KLHL18: variants seen among roughly 807,000 people sequenced by gnomAD.
The protein encoded by KLHL18 is kelch like family member 18, also known as kelch-like protein 18.
A neutral mutation model predicts 58.5 loss-of-function variants in KLHL18; 38 were observed. The observed-to-expected ratio is 0.65, with a 90% confidence interval of 0.50 to 0.85. The LOEUF is 0.85. KLHL18 is among the 40% of genes least tolerant of loss of function. The pLI is 0.00. For missense variants in KLHL18, 624 were observed against 778.4 expected, an observed-to-expected ratio of 0.80 and a Z score of 2.36; for synonymous variants, 303 against 301.9, an observed-to-expected ratio of 1.00 and a Z score of -0.04.
Position 47,330,109 on chromosome 3 carries a change from T to G in KLHL18, c.560T>G (p.Leu187Arg). The G allele has an allele frequency of 6.2e-7, 1 of 1,614,170 alleles. No individual in the cohort carries two copies. Among genetic ancestry groups the G allele is most frequent in the Non-Finnish European group, 8.5e-7 (1 of 1,180,030 alleles). ...CTGCCCTTGGAAGACGTGCTTGAGCTGGTGTCTCGGGATGAGCTGAATGTC... is the reference window on the plus strand; with the variant it reads ...CTGCCCTTGGAAGACGTGCTTGAGCGGGTGTCTCGGGATGAGCTGAATGTC... ...LALPLEDVLE[L>R]VSRDELNVKS... Residue 187 changes from leucine to arginine, a missense_variant, in exon 4 of 10, where the codon CTG becomes CGG. Leu to Arg is a moderately radical substitution (Grantham distance 102). Coordinates refer to ENST00000232766, the MANE Select transcript of KLHL18 (RefSeq NM_025010.5).
At chr3:47,286,030 A>T (rs1030995136) in intron 1 of KLHL18, among the ~76,000 whole-genome samples, 2 of 147,804 alleles carry the variant, frequency 1.4e-5, no homozygotes, top group Non-Finnish European at 3.0e-5. Flanking sequence ...ACAGAGTAAG[A>T]CCCTGTCTCA....
intron 1 of KLHL18, among the ~76,000 whole-genome samples, chr3:47,294,049 C>T (rs1030433689): frequency 2.0e-5 from 3 of 152,218 alleles, no homozygotes; most frequent in African/African-American, 4.8e-5. Flanking sequence ...AGATCCTCTT[C>T]ATCTTTTACC....
chr3:47,285,055 C>T (rs1483842406), intron 1 of KLHL18, among the ~76,000 whole-genome samples: 12 of 151,972 alleles, frequency 7.9e-5, no homozygotes, highest in African/African-American at 1.9e-4. Flanking sequence ...CCTCGTGATC[C>T]GCCCACCTCA....
intron 4 of KLHL18, among the ~76,000 whole-genome samples, chr3:47,332,658 T>G (rs914374607): frequency 3.9e-5 from 6 of 151,982 alleles, no homozygotes; most frequent in African/African-American, 7.2e-5. Flanking sequence ...TGTAGGGCTT[T>G]AGAGGGAGAG....
chr3:47,338,998 C>T (rs562353321), intron 7 of KLHL18, among the ~76,000 whole-genome samples: 31 of 152,216 alleles, frequency 2.0e-4, no homozygotes, highest in African/African-American at 7.2e-4. Flanking sequence ...TACATGATTA[C>T]ACCACCAGAC....
chr3:47,321,332 T>G (rs1424453929), intron 2 of KLHL18, among the ~76,000 whole-genome samples: 5 of 150,724 alleles, frequency 3.3e-5, no homozygotes, highest in Non-Finnish European at 7.4e-5. Flanking sequence ...CGTTTTTTTT[T>G]TTTGTTTTGT....
chr3:47,286,924 T>C (rs557044387), intron 1 of KLHL18, among the ~76,000 whole-genome samples: 15 of 152,320 alleles, frequency 9.8e-5, no homozygotes, highest in African/African-American at 3.6e-4. Context: ...AGGCTCTTGT[T>C]CATCCTGTCT....
At position 47,336,600 on chromosome 3, in the gene KLHL18, A is replaced by G. The variant is rs781362822; in HGVS notation, c.964A>G (p.Met322Val). The G allele has an allele frequency of 2.5e-6, 4 of 1,614,260 alleles. No homozygotes were observed. Among genetic ancestry groups the G allele is most frequent in the South Asian group, 1.1e-5 (1 of 91,092 alleles). ...CAATTGCTGGGAGAGATGCCGTCCC[A>G]TGACAACAGCCCGCAGCCGCGTTGG... is the stretch of plus-strand genomic sequence containing the variant. ...IANCWERCRPMTTARSRVGVA... is the reference protein window; with the variant it reads ...IANCWERCRPVTTARSRVGVA... The change falls in exon 7 of 10, where the codon ATG becomes GTG. Residue 322 changes from methionine (M) to valine (V), a missense_variant. Physicochemically the swap from Met to Val is conservative, Grantham distance 21. Transcript: ENST00000232766.
intron 1 of KLHL18, among the ~76,000 whole-genome samples, chr3:47,318,829 C>T (rs1703517038): frequency 6.6e-6 from 1 of 152,204 alleles, no homozygotes; most frequent in Non-Finnish European, 1.5e-5. Context: ...ATGATTCGAT[C>T]TTCCAACCTC....
Position 47,334,610 on chromosome 3 carries a change from C to T in KLHL18, c.762-73C>T. On this transcript the variant is annotated intron_variant, in intron 5 of 9. Coordinates refer to ENST00000232766, the MANE Select transcript of KLHL18 (RefSeq NM_025010.5). This position sits in a 1 kb window ranked among gnomAD's most constrained non-coding sequence, Gnocchi z 4.7. Reference sequence around the variant, plus strand: ...TCCCCTGCAGTTGGCAGTGGAGAGCCAGGCTCAGAGATGCAAACGAGGACT... The same window carrying T: ...TCCCCTGCAGTTGGCAGTGGAGAGCTAGGCTCAGAGATGCAAACGAGGACT... 6.4e-7 allele frequency: 1 copy of T among 1,563,308 alleles called. No homozygotes were observed. Among genetic ancestry groups the T allele is most frequent in the Non-Finnish European group, 8.8e-7 (1 of 1,141,856 alleles).
intron 2 of KLHL18, among the ~76,000 whole-genome samples, chr3:47,321,347 T>C (rs946228416): frequency 4.7e-5 from 7 of 148,928 alleles, no homozygotes; most frequent in African/African-American, 1.7e-4. Context: ...TTTTGTTTTG[T>C]TTTGTTTTTT....
rs550244352 is a variant in KLHL18 at position 47,343,790 on chromosome 3, G to A, written c.1574G>A (p.Arg525His). Reference sequence around the variant, plus strand: ...GTCTCCCTGGTGGCCAGCTGTGGGCGCCTCTACGCTGTTGGGGGCTACGAC... The same window carrying A: ...GTCTCCCTGGTGGCCAGCTGTGGGCACCTCTACGCTGTTGGGGGCTACGAC... ...SRVSLVASCG[R>H]LYAVGGYDGQ... Residue 525 changes from arginine (R) to histidine (H), a missense_variant, in exon 10 of 10, where the codon CGC becomes CAC. Transcript: ENST00000232766. 1.1e-5 allele frequency: 17 copies of A among 1,614,202 alleles called. No individual in the cohort carries two copies. The highest frequency in any genetic ancestry group is 8.8e-5 in the South Asian group (8 of 91,088).
intron 1 of KLHL18, among the ~76,000 whole-genome samples, chr3:47,300,897 C>T (rs1188439726): frequency 6.6e-6 from 1 of 152,020 alleles, no homozygotes; most frequent in Non-Finnish European, 1.5e-5. Context: ...CCTTGGCTTC[C>T]CAAAGTGCTG....
At chr3:47,312,141 G>T (rs1273767813) in intron 1 of KLHL18, among the ~76,000 whole-genome samples, 1 of 152,240 alleles carries the variant, frequency 6.6e-6, no homozygotes, top group Non-Finnish European at 1.5e-5. Context: ...TAATTCCACA[G>T]TGGTAGTATG....
intron 1 of KLHL18, among the ~76,000 whole-genome samples, chr3:47,284,493 C>G (rs1488612914): frequency 6.6e-6 from 1 of 151,530 alleles, no homozygotes; most frequent in African/African-American, 2.4e-5. Flanking sequence ...GCACCACTAC[C>G]CCTGGCTAAT....
At chr3:47,324,277 C>CTTTTTTTTTTTTT in intron 3 of KLHL18, among the ~76,000 whole-genome samples, 1 of 45,202 alleles carries the variant, frequency 2.2e-5, no homozygotes, top group Admixed American at 2.8e-4. Context: ...AAATGACTTC[C>CTTTTTTTTTTTTT]TTTTTTCTTT....
chr3:47,297,701 G>A, intron 1 of KLHL18: 1 of 449,614 alleles, frequency 2.2e-6, no homozygotes, highest in South Asian at 1.6e-5. Flanking sequence ...TTTGTTACTT[G>A]TTTGTATCTC....
rs1299532730 is a variant in KLHL18, at chr3:47,333,251, G to A, written c.695G>A (p.Cys232Tyr). 1 of 1,614,052 alleles carries A rather than the reference G, an allele frequency of 6.2e-7. No individual in the cohort carries two copies. Among genetic ancestry groups the A allele is most frequent in the African/African-American group, 1.3e-5 (1 of 74,904 alleles). The change falls in exon 5 of 10, where the codon TGT becomes TAT. Residue 232 changes from cysteine (C) to tyrosine (Y), a missense_variant. By Grantham distance (194) the Cys-to-Tyr change is radical. Transcript: ENST00000232766. ...CTGTCCAATATCCGCCTGCCCCTCT[G>A]TCGGCCCCAGTTCCTTTCAGACAGA... ...ELLSNIRLPL[C>Y]RPQFLSDRVQ...
chr3:47,300,787 C>T (rs1353336707), intron 1 of KLHL18, among the ~76,000 whole-genome samples: 3 of 151,630 alleles, frequency 2.0e-5, no homozygotes, highest in Non-Finnish European at 2.9e-5. Flanking sequence ...TTCTAGGATG[C>T]GCCACTATGC....
Sources: allele counts gnomAD v4.1 joint callset (sites outside exome capture counted in the v4.1 genomes callset), GRCh38; gene constraint gnomAD v4.1.1; non-coding constraint Gnocchi (gnomAD v3.1); transcripts MANE v1.5; gene names NCBI Gene and HGNC (gene_info 2026-07-23, HGNC 2026-07-21).